TENM3: variants seen among roughly 807,000 people sequenced by gnomAD.
The protein encoded by TENM3 is teneurin transmembrane protein 3.
TENM3 carries 63 observed loss-of-function variants against 255.1 expected under a neutral mutation model. The ratio of observed to expected loss-of-function variants is 0.25; its 90% CI spans 0.20 to 0.30. TENM3 has a LOEUF of 0.30. Ranked by LOEUF, TENM3 falls within the 10% of genes least tolerant of loss-of-function variation. The probability of loss-of-function intolerance (pLI) is 1.00; values close to 1 mark genes in which losing one functional copy is unlikely to be tolerated. For missense variants in TENM3, 2,929 were observed against 3,461.1 expected (o/e 0.85, Z 3.86); for synonymous variants, 1,306 against 1,322.3 (o/e 0.99, Z 0.27).
chr4:182,648,040 T>C (rs1752909272), intron 5 of TENM3, among the ~76,000 whole-genome samples: 3 of 152,194 alleles, frequency 2.0e-5, no homozygotes, highest in Admixed American at 2.0e-4. Context: ...TTCCTCACTC[T>C]TTCCTTTTCC....
At chr4:181,568,572 C>T in the TENM3 span, among the ~76,000 whole-genome samples, 2 of 152,158 alleles carry the variant, frequency 1.3e-5, no homozygotes, top group South Asian at 4.1e-4. Context: ...CTGTGTGACC[C>T]ACCCCAACCC....
chr4:181,931,195 G>C, the TENM3 span, among the ~76,000 whole-genome samples: 5 of 152,160 alleles, frequency 3.3e-5, no homozygotes, highest in African/African-American at 1.2e-4. Flanking sequence ...GAAATAAAGA[G>C]TATTCAATAG....
chr4:182,777,543 A>ATT (rs1561238758), intron 24 of TENM3, among the ~76,000 whole-genome samples: 168 of 34,708 alleles, frequency 4.8e-3, no homozygotes, highest in African/African-American at 9.0e-3. Context: ...GTGTGTGTGT[A>ATT]TTTCTTTTTT....
the TENM3 span, among the ~76,000 whole-genome samples, chr4:181,872,618 G>A: frequency 6.6e-6 from 1 of 152,082 alleles, no homozygotes; most frequent in African/African-American, 2.4e-5. Context: ...ATTATCCTTT[G>A]AATGTCTCTA....
the TENM3 span, among the ~76,000 whole-genome samples, chr4:181,657,967 C>G: frequency 6.6e-6 from 1 of 152,026 alleles, no homozygotes; most frequent in Non-Finnish European, 1.5e-5. Context: ...ATGGGAGAAA[C>G]AGACACTGCG....
the TENM3 span, among the ~76,000 whole-genome samples, chr4:181,533,752 T>A: frequency 6.6e-6 from 1 of 151,170 alleles, no homozygotes; most frequent in South Asian, 2.1e-4. Context: ...AAAAAAAAAC[T>A]TTCATTAGTT....
In TENM3 at chr4:182,370,462, A is replaced by G. The variant is rs573260205; in HGVS notation, c.511+23533A>G. ...CTAGCAAGCAGGTCCTATATTTAAT[A>G]GATTAATACAAAAATAACTGACATT... On this transcript the variant is annotated intron_variant, in intron 3 of 27. Transcript: ENST00000511685. Among the ~76,000 whole-genome samples, 3 of 152,374 alleles carry G rather than the reference A, an allele frequency of 2.0e-5. No individual in the cohort carries two copies. The South Asian group carries it at 6.2e-4, about 32-fold the overall frequency.
chr4:182,664,385 C>T (rs2152536201), intron 6 of TENM3, among the ~76,000 whole-genome samples: 1 of 152,294 alleles, frequency 6.6e-6, no homozygotes, highest in South Asian at 2.1e-4. Flanking sequence ...TGTGTGTGTT[C>T]TGACTGCTCC....
chr4:181,719,271 A>C, the TENM3 span, among the ~76,000 whole-genome samples: 1 of 151,514 alleles, frequency 6.6e-6, no homozygotes, highest in African/African-American at 2.4e-5. Context: ...ATATATATGT[A>C]ATTCAGGCAT....
rs1226275885 is a variant in TENM3 at position 182,323,920 on chromosome 4, C to A, written c.-75-26C>A. Reference sequence around the variant, plus strand: ...GTTTTTAGGTGAACGTCATGCTGACCTCATGCAAACCTTGTATCTTCACAG... The same window carrying A: ...GTTTTTAGGTGAACGTCATGCTGACATCATGCAAACCTTGTATCTTCACAG... On this transcript the variant is annotated intron_variant, in intron 1 of 27. Coordinates refer to ENST00000511685, the MANE Select transcript of TENM3 (RefSeq NM_001080477.4). 3.1e-5 allele frequency: 30 copies of A among 980,138 alleles called. No homozygotes were observed. In the East Asian group the frequency reaches 7.8e-4, roughly 26 times the overall value. 60.7% of individuals were successfully genotyped at this position (980,138 alleles called of 1,614,324 possible).
At chr4:182,544,463 C>T (rs746337721) in intron 3 of TENM3, among the ~76,000 whole-genome samples, 13 of 150,936 alleles carry the variant, frequency 8.6e-5, no homozygotes, top group Non-Finnish European at 1.5e-4. Flanking sequence ...CTCGAGTAGC[C>T]GGGATTACAG....
At chr4:182,162,829 C>G (rs1240584647) in intron 1 of TENM3, among the ~76,000 whole-genome samples, 1 of 152,178 alleles carries the variant, frequency 6.6e-6, no homozygotes, top group East Asian at 1.9e-4. Context: ...GACACTAATT[C>G]CATCCATGAG....
chr4:182,605,303 T>C (rs1748302321), intron 4 of TENM3, among the ~76,000 whole-genome samples: 2 of 152,164 alleles, frequency 1.3e-5, no homozygotes, highest in Admixed American at 1.3e-4. Context: ...CTGATGCTGA[T>C]GCCATATGCT....
chr4:182,597,165 G>A (rs1229792891), intron 3 of TENM3, among the ~76,000 whole-genome samples: 1 of 152,200 alleles, frequency 6.6e-6, no homozygotes, highest in African/African-American at 2.4e-5. Context: ...TACTTTGGGA[G>A]GCCTCCGCGG....
At chr4:182,361,619 G>A (rs1029452029) in intron 3 of TENM3, among the ~76,000 whole-genome samples, 9 of 151,616 alleles carry the variant, frequency 5.9e-5, no homozygotes, top group Admixed American at 2.0e-4. Flanking sequence ...TTATACATTC[G>A]TCTAAATTTT....
At chr4:182,603,522 G>A (rs137938203) in intron 4 of TENM3, among the ~76,000 whole-genome samples, 1 of 152,136 alleles carries the variant, frequency 6.6e-6, no homozygotes, top group African/African-American at 2.4e-5. Flanking sequence ...AAGCAGTGAT[G>A]TGAAAATCTC....
chr4:181,677,719 A>G, the TENM3 span, among the ~76,000 whole-genome samples: 1 of 152,088 alleles, frequency 6.6e-6, no homozygotes, highest in Non-Finnish European at 1.5e-5. Flanking sequence ...TTTTCTTTAA[A>G]TAAAGAAGGG....
the TENM3 span, chr4:182,079,530 A>G: frequency 6.6e-6 from 1 of 152,120 alleles, no homozygotes; most frequent in African/African-American, 2.4e-5. Context: ...GTAAAGAGTT[A>G]TAGGAAGTGA....
the TENM3 span, among the ~76,000 whole-genome samples, chr4:181,527,031 T>A: frequency 6.6e-6 from 1 of 152,278 alleles, no homozygotes; most frequent in Non-Finnish European, 1.5e-5. Flanking sequence ...CCCTGGGTCC[T>A]TGCAGCCACC....
Sources: allele counts gnomAD v4.1 joint callset (sites outside exome capture counted in the v4.1 genomes callset), GRCh38; gene constraint gnomAD v4.1.1; transcripts MANE v1.5; gene names NCBI Gene and HGNC (gene_info 2026-07-23, HGNC 2026-07-21).